The following DCC variants were observed in gnomAD, a reference collection of about 807,000 sequenced individuals.
DCC encodes the protein netrin receptor DCC.
A neutral mutation model predicts 172.5 loss-of-function variants in DCC; 58 were observed. The ratio of observed to expected loss-of-function variants is 0.34; its 90% confidence interval spans 0.27 to 0.42. The LOEUF (loss-of-function observed/expected upper bound fraction) is 0.42. Ranked by LOEUF, DCC falls within the 10% of genes least tolerant of loss-of-function variation. The pLI is 1.00. For missense variants in DCC, 1,740 were observed against 1,791.0 expected (o/e 0.97, Z 0.51); for synonymous variants, 709 against 644.5 (o/e 1.10, Z -1.52).
intron 1 of DCC, among the ~76,000 whole-genome samples, chr18:52,630,339 T>C (rs2034651767): frequency 6.6e-6 from 1 of 152,238 alleles, no homozygotes; most frequent in South Asian, 2.1e-4. Flanking sequence ...ACAGCCTGAA[T>C]GATCTAAATG....
rs76988969 is a variant in DCC, at chr18:52,946,252, C to T, written c.985+20882C>T. On this transcript the variant is annotated intron_variant, in intron 5 of 28. Coordinates refer to ENST00000442544, the MANE Select transcript of DCC (RefSeq NM_005215.4). ...CTACAAGACAGTAAACTTCTGATGA[C>T]CAGAGATCAGCCTATTAATCCATCT... Among the ~76,000 whole-genome samples, 57 of 152,240 alleles carry T rather than the reference C, an allele frequency of 3.7e-4. No homozygotes were observed. In the East Asian group the frequency reaches 9.3e-3, roughly 25 times the overall value.
At chr18:53,322,753 A>G (rs929681310) in intron 14 of DCC, among the ~76,000 whole-genome samples, 9 of 151,872 alleles carry the variant, frequency 5.9e-5, no homozygotes, top group African/African-American at 2.2e-4. Flanking sequence ...TTAGCAAATG[A>G]GAAATTGCTC....
At chr18:52,605,331 T>G (rs2034110995) in intron 1 of DCC, among the ~76,000 whole-genome samples, 1 of 152,154 alleles carries the variant, frequency 6.6e-6, no homozygotes, top group South Asian at 2.1e-4. Context: ...CTCTTACTGT[T>G]ATATGACATT....
At chr18:53,264,073 T>G (rs1422997093) in intron 12 of DCC, among the ~76,000 whole-genome samples, 1 of 152,142 alleles carries the variant, frequency 6.6e-6, no homozygotes, top group Non-Finnish European at 1.5e-5. Flanking sequence ...ACAAATCCCA[T>G]CAGCATAGGA....
At chr18:53,087,491 T>A (rs984064364) in intron 7 of DCC, among the ~76,000 whole-genome samples, 7 of 151,836 alleles carry the variant, frequency 4.6e-5, no homozygotes, top group Non-Finnish European at 7.4e-5. Flanking sequence ...CATTGTAGAT[T>A]CTGGATATTA....
intron 2 of DCC, among the ~76,000 whole-genome samples, chr18:52,886,133 C>T (rs1477981661): frequency 6.6e-6 from 1 of 151,906 alleles, no homozygotes; most frequent in Non-Finnish European, 1.5e-5. Context: ...GAGAAGAGGG[C>T]CGCAAGCACT....
chr18:53,058,905 G>A (rs1599080838), intron 5 of DCC, among the ~76,000 whole-genome samples: 1 of 152,266 alleles, frequency 6.6e-6, no homozygotes, highest in Admixed American at 6.5e-5. Flanking sequence ...ATGAAGGATA[G>A]GTAGGGTGTC....
rs564755816 is a variant in DCC at position 52,973,070 on chromosome 18, C to T, written c.985+47700C>T. On this transcript the variant is annotated intron_variant, in intron 5 of 28. Coordinates refer to ENST00000442544, the MANE Select transcript of DCC (RefSeq NM_005215.4). ...CTTAACCAGTGTTTTCCTGATAACACGGTGCTAGAACCTAGTAGATATTCA... is the reference window on the plus strand; with the variant it reads ...CTTAACCAGTGTTTTCCTGATAACATGGTGCTAGAACCTAGTAGATATTCA... Among the ~76,000 whole-genome samples the T allele has an allele frequency of 1.1e-4, 16 of 152,240 alleles. 1 individual carries two copies. Among genetic ancestry groups the T allele is most frequent in the African/African-American group, 3.6e-4 (15 of 41,536 alleles).
In DCC at chr18:53,350,745, T is replaced by C. The variant is rs564751322; in HGVS notation, c.2359+10838T>C. ...AAGTTGGTAATTCAAGAGCTGTAAA[T>C]GTCAAACTTTATATTGTGGTCATTG... On this transcript the variant is annotated intron_variant, in intron 15 of 28. Coordinates refer to ENST00000442544, the MANE Select transcript of DCC (RefSeq NM_005215.4). 5.9e-5 allele frequency among the ~76,000 whole-genome samples: 9 copies of C among 152,192 alleles called. 1 individual carries two copies. The highest frequency in any genetic ancestry group is 4.1e-4 in the South Asian group (2 of 4,826).
chr18:53,519,505 A>C (rs2144586132), intron 27 of DCC, among the ~76,000 whole-genome samples: 1 of 149,694 alleles, frequency 6.7e-6, no homozygotes, highest in South Asian at 2.1e-4. Context: ...AGCCTTGAGC[A>C]CCTCCCTCTC....
rs190992561 is a variant in DCC, at chr18:53,083,569, A to G, written c.1261+17403A>G. On this transcript the variant is annotated intron_variant, in intron 7 of 28. Coordinates refer to ENST00000442544, the MANE Select transcript of DCC (RefSeq NM_005215.4). ...TCAAAGGTCTTCCTGTAACTGCAAC[A>G]TTACTTGCACATTAGTTTTTAGAAA... is the stretch of plus-strand genomic sequence containing the variant. Among the ~76,000 whole-genome samples, 3 of 152,320 alleles carry G rather than the reference A, an allele frequency of 2.0e-5. No individual in the cohort carries two copies. The East Asian group carries it at 5.8e-4, about 29-fold the overall frequency.
intron 2 of DCC, among the ~76,000 whole-genome samples, chr18:52,773,612 T>C (rs2037379575): frequency 6.6e-6 from 1 of 152,014 alleles, no homozygotes; most frequent in South Asian, 2.1e-4. Context: ...CTGCAACCTC[T>C]CCCTCCTGGG....
chr18:52,377,722 C>CA (rs1394061293), intron 1 of DCC, among the ~76,000 whole-genome samples: 4 of 130,956 alleles, frequency 3.1e-5, no homozygotes. Flanking sequence ...TTTCTTGAGA[C>CA]AGAGTTTCAC....
intron 7 of DCC, among the ~76,000 whole-genome samples, chr18:53,116,102 A>G (rs1383851288): frequency 1.3e-5 from 2 of 151,684 alleles, no homozygotes; most frequent in Non-Finnish European, 3.0e-5. Flanking sequence ...GTAAAATGTC[A>G]AAATGGAGCC....
chr18:52,932,372 T>C (rs761465374), intron 5 of DCC, among the ~76,000 whole-genome samples: 10 of 152,146 alleles, frequency 6.6e-5, no homozygotes, highest in Non-Finnish European at 1.5e-4. Context: ...GGGTCTAGAT[T>C]GATCCCATGT....
chr18:53,522,214 C>A (rs2046406365), intron 27 of DCC, among the ~76,000 whole-genome samples: 1 of 151,852 alleles, frequency 6.6e-6, no homozygotes, highest in African/African-American at 2.4e-5. Context: ...TTTTTAGTGG[C>A]TGCCTTCCTA....
intron 15 of DCC, 69 bp from the exon 16 acceptor site, chr18:53,385,974 T>C (rs1568098145): frequency 9.6e-7 from 1 of 1,041,314 alleles, no homozygotes; most frequent in Non-Finnish European, 1.5e-6. Flanking sequence ...TTGAGGAAAA[T>C]GTTTGCCTTG....
chr18:53,345,726 A>G, intron 15 of DCC, among the ~76,000 whole-genome samples: 1 of 151,250 alleles, frequency 6.6e-6, no homozygotes, highest in East Asian at 1.9e-4. Flanking sequence ...TTTCTGAAGG[A>G]TATTTTCACT....
intron 26 of DCC, among the ~76,000 whole-genome samples, chr18:53,492,995 C>T (rs1259777502): frequency 1.3e-5 from 2 of 152,012 alleles, no homozygotes; most frequent in Admixed American, 1.3e-4. Context: ...CTCTTATTTC[C>T]TTGAGCAGTG....
Sources: allele counts gnomAD v4.1 joint callset (sites outside exome capture counted in the v4.1 genomes callset), GRCh38; gene constraint gnomAD v4.1.1; transcripts MANE v1.5; gene names NCBI Gene and HGNC (gene_info 2026-07-23, HGNC 2026-07-21).